DIS3L2: variants seen among roughly 807,000 people sequenced by gnomAD.
The protein encoded by DIS3L2 is DIS3 like 3'-5' exoribonuclease 2, also known as DIS3-like exonuclease 2.
Under a neutral mutation model 97.5 loss-of-function variants are expected in DIS3L2, and 34 were observed. That is an observed-to-expected ratio of 0.35 (90% CI 0.27 to 0.46). The LOEUF (loss-of-function observed/expected upper bound fraction) is 0.46, where lower values mean the gene tolerates loss of function less well. DIS3L2 is among the 20% of genes least tolerant of loss of function. The pLI is 1.00. For missense variants in DIS3L2, 1,038 were observed against 1,146.0 expected (o/e 0.91, Z 1.36); for synonymous variants, 435 against 445.2 (o/e 0.98, Z 0.29).
At chr2:232,015,736 G>A (rs761441919) in intron 3 of DIS3L2, 65 bp downstream of exon 3, 151 of 1,574,264 alleles carry the variant, frequency 9.6e-5, no homozygotes, top group Non-Finnish European at 1.2e-4. Flanking sequence ...CTATTAAACT[G>A]TTTCCTGTTC....
chr2:232,134,005 A>T (rs2106353006), intron 7 of DIS3L2, among the ~76,000 whole-genome samples: 1 of 151,072 alleles, frequency 6.6e-6, no homozygotes, highest in Admixed American at 6.6e-5. Context: ...AAAAAAAATT[A>T]TATAAAGGAC....
At chr2:232,342,126 TATATATACACATATAC>T (rs757178014), downstream of DIS3L2, among the ~76,000 whole-genome samples, 8 of 152,072 alleles carry the variant, frequency 5.3e-5, no homozygotes, top group East Asian at 1.9e-4. Flanking sequence ...GTGTAGCATA[TATATATACACATATAC>T]ATATATACAC....
chr2:231,986,070 T>C (rs115804988), intron 1 of DIS3L2, among the ~76,000 whole-genome samples: 2,038 of 152,352 alleles, frequency 0.013, 42 homozygotes, highest in African/African-American at 0.047. Flanking sequence ...CATCAGACTC[T>C]GGGTTCTTCC....
chr2:231,998,213 G>A (rs933065065), intron 1 of DIS3L2, among the ~76,000 whole-genome samples: 1 of 152,156 alleles, frequency 6.6e-6, no homozygotes, highest in African/African-American at 2.4e-5. Flanking sequence ...AAGTCCAGTA[G>A]TAAGGTGCTG....
chr2:232,338,740 G>A (rs1696043175), downstream of DIS3L2, among the ~76,000 whole-genome samples: 1 of 152,214 alleles, frequency 6.6e-6, no homozygotes, highest in African/African-American at 2.4e-5. Context: ...ACTGAATCCG[G>A]TGCCGCGCAT....
intron 14 of DIS3L2, among the ~76,000 whole-genome samples, chr2:232,316,892 A>T (rs933738763): frequency 4.6e-5 from 7 of 152,224 alleles, no homozygotes; most frequent in African/African-American, 1.7e-4. Flanking sequence ...TAAATCTTCT[A>T]GGAAACCATT....
At chr2:232,133,987 C>CAAAAAAAA (rs60195881) in intron 7 of DIS3L2, among the ~76,000 whole-genome samples, 810 of 76,282 alleles carry the variant, frequency 0.011, 44 homozygotes, top group African/African-American at 0.039. Flanking sequence ...GACTCTGTCT[C>CAAAAAAAA]AAAAAAAAAA....
At chr2:232,005,978 A>G (rs1233234162) in intron 1 of DIS3L2, among the ~76,000 whole-genome samples, 1 of 152,206 alleles carries the variant, frequency 6.6e-6, no homozygotes, top group East Asian at 1.9e-4. Context: ...ACCTGAGGTC[A>G]GGAGTTCTAG....
intron 9 of DIS3L2, among the ~76,000 whole-genome samples, chr2:232,190,632 GAGAA>G (rs990986199): frequency 2.4e-4 from 36 of 152,122 alleles, no homozygotes; most frequent in African/African-American, 7.5e-4. Context: ...AAGAAAGAAA[GAGAA>G]AGAAAGAGAG....
At chr2:232,034,612 T>C (rs926612407) in intron 5 of DIS3L2, among the ~76,000 whole-genome samples, 1 of 152,240 alleles carries the variant, frequency 6.6e-6, no homozygotes, top group African/African-American at 2.4e-5. Context: ...TTTAGTGCTA[T>C]AAATTTCCTT....
chr2:232,162,472 A>G (rs1690680891), intron 8 of DIS3L2, among the ~76,000 whole-genome samples: 2 of 152,194 alleles, frequency 1.3e-5, no homozygotes, highest in Admixed American at 6.5e-5. Context: ...CCTCTTTACC[A>G]CTGTGCACAT....
intron 14 of DIS3L2, among the ~76,000 whole-genome samples, chr2:232,327,329 A>T (rs920638682): frequency 6.6e-6 from 1 of 152,182 alleles, no homozygotes; most frequent in Non-Finnish European, 1.5e-5. Context: ...CTAAGGCTAC[A>T]CTTGTCCCTC....
At chr2:232,089,586 G>A (rs1696778039) in intron 6 of DIS3L2, among the ~76,000 whole-genome samples, 1 of 152,178 alleles carries the variant, frequency 6.6e-6, no homozygotes, top group Non-Finnish European at 1.5e-5. Context: ...AACAAGATCA[G>A]CAAGGAAGAG....
intron 14 of DIS3L2, chr2:232,328,862 CACCAA>C (rs1446909515): frequency 1.3e-5 from 2 of 152,280 alleles, no homozygotes; most frequent in African/African-American, 2.4e-5. Flanking sequence ...CTTCTTGTCC[CACCAA>C]AGGCGGGAAA....
intron 5 of DIS3L2, among the ~76,000 whole-genome samples, chr2:232,038,577 CA>C (rs902903795): frequency 6.6e-6 from 1 of 152,206 alleles, no homozygotes; most frequent in Admixed American, 6.5e-5. Context: ...CCAAAATAAG[CA>C]AACATATGAA....
chr2:232,076,549 T>G (rs1270678997), intron 5 of DIS3L2, among the ~76,000 whole-genome samples: 2 of 152,226 alleles, frequency 1.3e-5, no homozygotes, highest in Non-Finnish European at 2.9e-5. Context: ...TTTCCATCTT[T>G]ATTGCTACAT....
At position 232,336,770 on chromosome 2, in the gene DIS3L2, A is replaced by G; in HGVS notation, c.*140A>G. ...GTTTTTATTTTTATTTAATTTTTGC[A>G]GCTCAACTTTTAAACAAACTGCAGG... On this transcript the variant is annotated 3_prime_UTR_variant, in exon 21 of 21. Coordinates refer to ENST00000325385, the MANE Select transcript of DIS3L2 (RefSeq NM_152383.5). 1 of 1,478,462 alleles carries G rather than the reference A, an allele frequency of 6.8e-7. No individual in the cohort carries two copies. The highest frequency in any genetic ancestry group is 8.9e-7 in the Non-Finnish European group (1 of 1,125,098). The allele number at this position is 1,478,462 out of a possible 1,614,324, so 91.6% of individuals were successfully genotyped here.
At chr2:232,118,608 T>C (rs1340888079) in intron 6 of DIS3L2, among the ~76,000 whole-genome samples, 1 of 152,202 alleles carries the variant, frequency 6.6e-6, no homozygotes, top group African/African-American at 2.4e-5. Context: ...TTTCCACCCT[T>C]TGAAACTAAA....
At chr2:232,070,076 G>T (rs1275219033) in intron 5 of DIS3L2, among the ~76,000 whole-genome samples, 1 of 152,086 alleles carries the variant, frequency 6.6e-6, no homozygotes, top group African/African-American at 2.4e-5. Context: ...CCATGTACAA[G>T]GTATATCTAT....
Sources: allele counts gnomAD v4.1 joint callset (sites outside exome capture counted in the v4.1 genomes callset), GRCh38; gene constraint gnomAD v4.1.1; transcripts MANE v1.5; gene names NCBI Gene and HGNC (gene_info 2026-07-23, HGNC 2026-07-21).